MYO1A: variants seen among roughly 807,000 people sequenced by gnomAD.
MYO1A encodes the protein myosin IA, also known as unconventional myosin-Ia.
A neutral mutation model predicts 138.5 loss-of-function variants in MYO1A; 127 were observed. That is an observed-to-expected ratio of 0.92 (90% CI 0.79 to 1.06). MYO1A has a LOEUF of 1.06. Ranked by LOEUF, MYO1A falls within the 50% of genes least tolerant of loss-of-function variation. The pLI is 0.00. For synonymous variants in MYO1A, 477 were observed against 497.5 expected, an observed-to-expected ratio of 0.96 and a Z score of 0.55; for missense variants, 1,211 against 1,288.8, an observed-to-expected ratio of 0.94 and a Z score of 0.92.
At position 57,044,188 on chromosome 12, in the gene MYO1A, T is replaced by A. The variant is rs1293504199; in HGVS notation, c.662A>T (p.Asp221Val). 4 of 1,614,106 alleles carry A rather than the reference T, an allele frequency of 2.5e-6. No individual in the cohort carries two copies. The South Asian group carries it at 4.4e-5, about 18-fold the overall frequency. ...ATTCAGATAGGCATAGCCAGTTGTA[T>A]CCCGCTCAAGCTTCAGGGCCTCTGG... ...QLLKALKLER[D>V]TTGYAYLNHE... The change falls in exon 9 of 28, where the codon GAT becomes GTT. Residue 221 changes from aspartate (D) to valine (V), a missense_variant. Asp to Val is a radical substitution (Grantham distance 152, BLOSUM62 -3). Coordinates refer to ENST00000300119, the MANE Select transcript of MYO1A (RefSeq NM_005379.4).
chr12:57,041,603 A>T, intron 12 of MYO1A, 106 bp from the exon 13 acceptor site: 2 of 897,588 alleles, frequency 2.2e-6, no homozygotes, highest in Non-Finnish European at 3.8e-6. Flanking sequence ...AGAACTAGCA[A>T]GAGCTTTGCC....
chr12:57,049,100 T>C (rs563566684), intron 1 of MYO1A, among the ~76,000 whole-genome samples: 1 of 152,386 alleles, frequency 6.6e-6, no homozygotes, highest in African/African-American at 2.4e-5. Context: ...CACCCACTCC[T>C]GTAAACTTCT....
chr12:57,030,949 G>GAA, intron 23 of MYO1A, 91 bp downstream of exon 23: 1 of 1,502,028 alleles, frequency 6.7e-7, no homozygotes, highest in East Asian at 2.3e-5. Context: ...TTTTTAATGG[G>GAA]AAAAAAATAG....
At position 57,047,357 on chromosome 12, in the gene MYO1A, C is replaced by T. The variant is rs151045364; in HGVS notation, c.376G>A (p.Glu126Lys). The T allele has an allele frequency of 1.2e-3, 1,909 of 1,614,194 alleles. 6 individuals carry two copies. Among genetic ancestry groups the T allele is most frequent in the Non-Finnish European group, 1.5e-3 (1,782 of 1,180,038 alleles). ...SYVAAVCGKGEQVNSVKEQLL... is the reference protein window; with the variant it reads ...SYVAAVCGKGKQVNSVKEQLL... ...TGCTCCTTCACAGAGTTCACCTGCT[C>T]TCCTTTCCCACAGACGGCAGCCACA... Residue 126 changes from glutamate (E) to lysine (K), a missense_variant, in exon 5 of 28, where the codon GAG (glutamate) becomes AAG (lysine). Glu to Lys is a moderately conservative substitution (Grantham distance 56, BLOSUM62 1). Coordinates refer to ENST00000300119, the MANE Select transcript of MYO1A (RefSeq NM_005379.4).
intron 18 of MYO1A, 92 bp from the exon 19 acceptor site, chr12:57,037,733 T>A (rs1210274322): frequency 1.3e-6 from 2 of 1,503,896 alleles, no homozygotes; most frequent in Non-Finnish European, 1.9e-6. Flanking sequence ...CTCCAAGAAG[T>A]GATCATTCAA....
chr12:57,044,304 T>C lies in MYO1A; in HGVS notation c.641-95A>G. On this transcript the variant is annotated intron_variant, in intron 8 of 27. Transcript: ENST00000300119. ...CACAGCCCTTGCCCTAATGGATTCATTCACTTATCCAAAGGAGTCATTTTT... is the reference window on the plus strand; with the variant it reads ...CACAGCCCTTGCCCTAATGGATTCACTCACTTATCCAAAGGAGTCATTTTT... 3 of 953,336 alleles carry C rather than the reference T, an allele frequency of 3.1e-6. No individual in the cohort carries two copies. In the Admixed American group the frequency reaches 5.9e-5, roughly 19 times the overall value. The allele number at this position is 953,336 out of a possible 1,614,324, so 59.1% of individuals were successfully genotyped here.
Position 57,047,718 on chromosome 12 carries a change from G to A in MYO1A, c.234C>T (p.Tyr78=), listed in dbSNP as rs1417537052. 5.0e-6 allele frequency: 8 copies of A among 1,614,146 alleles called. No individual in the cohort carries two copies. The highest frequency in any genetic ancestry group is 1.6e-4 in the Middle Eastern group (1 of 6,062). ...YTFYELKPHI[Y]ALANVAYQSL... Reference sequence around the variant, plus strand: ...ACTGGTACGCCACATTTGCCAATGCGTAGCTTGTGGGGAGGAAGTGGGCAA... The same window carrying A: ...ACTGGTACGCCACATTTGCCAATGCATAGCTTGTGGGGAGGAAGTGGGCAA... Residue 78 remains tyrosine (Y), a synonymous_variant, in exon 4 of 28, where the codon TAC becomes TAT. Coordinates refer to ENST00000300119, the MANE Select transcript of MYO1A (RefSeq NM_005379.4).
At chr12:57,042,611 T>C (rs2030906759) in intron 12 of MYO1A, among the ~76,000 whole-genome samples, 1 of 152,204 alleles carries the variant, frequency 6.6e-6, no homozygotes, top group South Asian at 2.1e-4. Context: ...AAATAGTTTT[T>C]TATTTAACTT....
At chr12:57,033,276 C>T (rs1216929088) in intron 22 of MYO1A, among the ~76,000 whole-genome samples, 4 of 152,130 alleles carry the variant, frequency 2.6e-5, no homozygotes, top group Non-Finnish European at 5.9e-5. Flanking sequence ...TTTCCTTTTC[C>T]AGGATCCAAT....
In MYO1A at chr12:57,036,791, G is replaced by T. The variant is rs777549498; in HGVS notation, c.2255C>A (p.Ala752Asp). 6 of 1,614,052 alleles carry T rather than the reference G, an allele frequency of 3.7e-6. No individual in the cohort carries two copies. Among genetic ancestry groups the T allele is most frequent in the Middle Eastern group, 3.3e-4 (2 of 6,084 alleles). The change falls in exon 21 of 28, where the codon GCT (alanine) becomes GAT (aspartate). Residue 752 changes from alanine (A) to aspartate (D), a missense_variant. Ala to Asp is a moderately radical substitution (Grantham distance 126, BLOSUM62 -2). Coordinates refer to ENST00000300119, the MANE Select transcript of MYO1A (RefSeq NM_005379.4). ...KIKASVLLIQ[A>D]FVRGWKARKN... ...CATTACCTTCCACCCTCTCACAAAA[G>T]CCTGGATCAATAACACGGATGCCTT...
rs140932379 is a variant in MYO1A at position 57,036,808 on chromosome 12, G to A, written c.2238C>T (p.Ser746=). The A allele has an allele frequency of 1.1e-4, 178 of 1,614,070 alleles. No homozygotes were observed. The highest frequency in any genetic ancestry group is 1.8e-4 in the East Asian group (8 of 44,902). Residue 746 remains serine, a synonymous_variant, in exon 21 of 28, where the codon TCC becomes TCT. Transcript: ENST00000300119. ...QKKCYGKIKA[S]VLLIQAFVRG... ...TCACAAAAGCCTGGATCAATAACAC[G>A]GATGCCTTTATCTTCCCATAGCATT...
chr12:57,044,003 T>G lies in MYO1A; in HGVS notation c.745A>C (p.Ser249Arg). The part of the protein sequence containing the change: ...DDASSFRAVQ[S>R]AMAVIGFSEE... Reference sequence around the variant, plus strand: ...GAGAACCCAATCACTGCCATTGCACTCTTAGGCAGAAAGCAGAAATCAAAA... The same window carrying G: ...GAGAACCCAATCACTGCCATTGCACGCTTAGGCAGAAAGCAGAAATCAAAA... Residue 249 changes from serine to arginine, a missense_variant and splice_region_variant, in exon 10 of 28, where the codon AGT becomes CGT. Ser to Arg is a moderately radical substitution (Grantham distance 110). Coordinates refer to ENST00000300119, the MANE Select transcript of MYO1A (RefSeq NM_005379.4). The G allele has an allele frequency of 6.2e-7, 1 of 1,614,048 alleles. No homozygotes were observed. Among genetic ancestry groups the G allele is most frequent in the Non-Finnish European group, 8.5e-7 (1 of 1,179,976 alleles).
Position 57,028,671 on chromosome 12 carries a change from G to C in MYO1A, c.*84C>G, listed in dbSNP as rs2030095002. The C allele has an allele frequency of 2.6e-6, 4 of 1,568,396 alleles. No individual in the cohort carries two copies. The highest frequency in any genetic ancestry group is 2.7e-5 in the African/African-American group (2 of 74,104). On this transcript the variant is annotated 3_prime_UTR_variant, in exon 28 of 28. Coordinates refer to ENST00000300119, the MANE Select transcript of MYO1A (RefSeq NM_005379.4). ...CCATGCGCCACGATCAGAGGGGTTA[G>C]AGATCCTCCCACACAGGAGGGCAGA...
At chr12:57,031,521 C>T (rs958829889) in intron 22 of MYO1A, among the ~76,000 whole-genome samples, 1 of 152,194 alleles carries the variant, frequency 6.6e-6, no homozygotes, top group Admixed American at 6.5e-5. Context: ...CAATTGCCTA[C>T]AGGTGGCAGC....
intron 27 of MYO1A, 114 bp from the exon 28 acceptor site, chr12:57,028,995 T>C (rs2030122361): frequency 6.3e-7 from 1 of 1,594,178 alleles, no homozygotes; most frequent in African/African-American, 1.3e-5. Context: ...CCAGAGAACC[T>C]GGGTGGGGGC....
chr12:57,044,452 G>A (rs1402818463), intron 8 of MYO1A, among the ~76,000 whole-genome samples: 3 of 152,154 alleles, frequency 2.0e-5, no homozygotes, highest in Non-Finnish European at 2.9e-5. Context: ...GCAGTGGTGC[G>A]ATCTCAGCTC....
At position 57,037,509 on chromosome 12, in the gene MYO1A, T is replaced by A. The variant is rs549045414; in HGVS notation, c.2055+39A>T. ...CCTTTCTCAGGTGGGCTCTTCCACCTTCTACCCTCACCAAATGCTAATGCA... is the reference window on the plus strand; with the variant it reads ...CCTTTCTCAGGTGGGCTCTTCCACCATCTACCCTCACCAAATGCTAATGCA... On this transcript the variant is annotated intron_variant, in intron 19 of 27. Transcript: ENST00000300119. 7 of 1,588,408 alleles carry A rather than the reference T, an allele frequency of 4.4e-6. No individual in the cohort carries two copies. The East Asian group carries it at 1.6e-4, about 36-fold the overall frequency.
rs748402019 is a variant in MYO1A, at chr12:57,043,081, C to G, written c.1089G>C (p.Glu363Asp). 13 of 1,614,148 alleles carry G rather than the reference C, an allele frequency of 8.1e-6. No individual in the cohort carries two copies. The highest frequency in any genetic ancestry group is 9.3e-6 in the Non-Finnish European group (11 of 1,180,042). ...LFDWIVNRIN[E>D]SIKVGIGEKK... ...CAGAGCGGCCACTTGCCTTGATGCT[C>G]TCATTGATTCGATTCACTATCCAGT... is the stretch of plus-strand genomic sequence containing the variant. The change falls in exon 12 of 28, where the codon GAG becomes GAC. Residue 363 changes from glutamate (E) to aspartate (D), a missense_variant. Transcript: ENST00000300119.
In MYO1A at chr12:57,044,154, T is replaced by C. The variant is rs2030990490; in HGVS notation, c.696A>G (p.Val232=). The C allele has an allele frequency of 6.2e-7, 1 of 1,614,210 alleles. No homozygotes were observed. The highest frequency in any genetic ancestry group is 8.5e-7 in the Non-Finnish European group (1 of 1,180,044). Residue 232 remains valine, a synonymous_variant, in exon 9 of 28, where the codon GTA becomes GTG. Coordinates refer to ENST00000300119, the MANE Select transcript of MYO1A (RefSeq NM_005379.4). The stretch of plus-strand genomic sequence containing the variant: ...CGTCGTCCATGCCATCCACTCTGGA[T>C]ACTTCATGATTCAGATAGGCATAGC... ...TTGYAYLNHE[V]SRVDGMDDAS...
Sources: allele counts gnomAD v4.1 joint callset (sites outside exome capture counted in the v4.1 genomes callset), GRCh38; gene constraint gnomAD v4.1.1; transcripts MANE v1.5; gene names NCBI Gene and HGNC (gene_info 2026-07-23, HGNC 2026-07-21).